Variants in GTF3C3 observed in about 807,000 individuals in gnomAD.
The protein encoded by GTF3C3 is general transcription factor 3C polypeptide 3.
Under a neutral mutation model 105.2 loss-of-function variants are expected in GTF3C3, and 75 were observed. The ratio of observed to expected loss-of-function variants is 0.71; its 90% CI spans 0.59 to 0.86. The LOEUF (loss-of-function observed/expected upper bound fraction) is 0.86. Among genes scored for constraint, GTF3C3 ranks in the 40% least tolerant of loss-of-function variants. GTF3C3 has a pLI of 0.00. For synonymous variants in GTF3C3, 335 were observed against 370.4 expected (o/e 0.90, Z 1.10); for missense variants, 856 against 1,076.5 (o/e 0.80, Z 2.87).
intron 15 of GTF3C3, 100 bp downstream of exon 15, chr2:196,771,648 C>T: frequency 5.6e-6 from 4 of 717,618 alleles, no homozygotes; most frequent in Non-Finnish European, 9.6e-6. Context: ...AATAATTTGT[C>T]ACAGTGAGGC....
chr2:196,782,685 T>C (rs1699386971), intron 8 of GTF3C3, among the ~76,000 whole-genome samples: 1 of 152,030 alleles, frequency 6.6e-6, no homozygotes, highest in South Asian at 2.1e-4. Context: ...AGACCAACTA[T>C]ATTTAAAAAG....
chr2:196,799,443 G>T, intron 1 of GTF3C3, 67 bp downstream of exon 1: 1 of 1,191,746 alleles, frequency 8.4e-7, no homozygotes. Flanking sequence ...CGGTCGTCTG[G>T]GTCCCCCACA....
Position 196,780,565 on chromosome 2 carries a change from T to C in GTF3C3, c.1212A>G (p.Pro404=), listed in dbSNP as rs999616889. The change falls in exon 9 of 18, where the codon CCA becomes CCG. Residue 404 remains proline, a synonymous_variant. Coordinates refer to ENST00000263956, the MANE Select transcript of GTF3C3 (RefSeq NM_012086.5). ...TGCAGATCTTGTTACATACATTAAGTGGTTCAAGAATGTTGAGATGTACAA... is the reference window on the plus strand; with the variant it reads ...TGCAGATCTTGTTACATACATTAAGCGGTTCAAGAATGTTGAGATGTACAA... ...VCLVHLNILE[P]LNPLLTTLVE... 7.4e-6 allele frequency: 12 copies of C among 1,612,652 alleles called. No homozygotes were observed. The highest frequency in any genetic ancestry group is 9.3e-6 in the Non-Finnish European group (11 of 1,179,082).
At chr2:196,767,821 T>C (rs1699094987) in intron 16 of GTF3C3, among the ~76,000 whole-genome samples, 2 of 152,336 alleles carry the variant, frequency 1.3e-5, no homozygotes, top group African/African-American at 4.8e-5. Flanking sequence ...ATTGTTGTAA[T>C]GCAAATGAAC....
At chr2:196,791,288 A>G (rs1185764736) in intron 4 of GTF3C3, 49 bp downstream of exon 4, 1 of 1,596,148 alleles carries the variant, frequency 6.3e-7, no homozygotes, top group African/African-American at 1.3e-5. Context: ...ATTTGTTTTA[A>G]GTCAGACTAT....
Position 196,764,574 on chromosome 2 carries a change from A to G in GTF3C3, c.2650T>C (p.Cys884Arg). Residue 884 changes from cysteine (C) to arginine (R), a missense_variant, in exon 18 of 18, where the codon TGT (cysteine) becomes CGT (arginine). Physicochemically the swap from Cys to Arg is radical, Grantham distance 180. Coordinates refer to ENST00000263956, the MANE Select transcript of GTF3C3 (RefSeq NM_012086.5). ...GMAQTLLYTY[C>R]SI ...TCAGTTGCGGTGCTTTATATAGAAC[A>G]ATAGGTATACAAAAGCGTTTGAGCC... The G allele has an allele frequency of 1.9e-6, 3 of 1,614,004 alleles. No homozygotes were observed. The highest frequency in any genetic ancestry group is 2.5e-6 in the Non-Finnish European group (3 of 1,179,892).
At position 196,789,935 on chromosome 2, in the gene GTF3C3, G is replaced by C; in HGVS notation, c.671C>G (p.Ala224Gly). 2 of 1,612,106 alleles carry C rather than the reference G, an allele frequency of 1.2e-6. No individual in the cohort carries two copies. The highest frequency in any genetic ancestry group is 1.7e-6 in the Non-Finnish European group (2 of 1,179,228). ...PSDTEEWVRLAEMSLEQDNIK... is the reference protein window; with the variant it reads ...PSDTEEWVRLGEMSLEQDNIK... ...ATTGTCTTGTTCCAGAGACATTTCTGCCAGTCTAACCCATTCTTCTGTGTC... is the reference window on the plus strand; with the variant it reads ...ATTGTCTTGTTCCAGAGACATTTCTCCCAGTCTAACCCATTCTTCTGTGTC... Residue 224 changes from alanine (A) to glycine (G), a missense_variant, in exon 5 of 18, where the codon GCA becomes GGA. Physicochemically the swap from Ala to Gly is moderately conservative, Grantham distance 60 (BLOSUM62 0). This residue lies in a region of GTF3C3 where 605 missense variants were observed against 833.6 expected (regional missense o/e 0.73). Transcript: ENST00000263956.
chr2:196,788,548 C>T (rs1699492304), intron 6 of GTF3C3, among the ~76,000 whole-genome samples: 1 of 152,168 alleles, frequency 6.6e-6, no homozygotes, highest in Admixed American at 6.5e-5. Context: ...GATCCCAAAT[C>T]ATTAACATTT....
intron 17 of GTF3C3, among the ~76,000 whole-genome samples, chr2:196,765,350 T>C (rs1400673852): frequency 6.6e-6 from 1 of 152,088 alleles, no homozygotes; most frequent in African/African-American, 2.4e-5. Flanking sequence ...AAATGATACC[T>C]ATAAAGCTCA....
chr2:196,788,812 C>G (rs1699496617), intron 6 of GTF3C3, among the ~76,000 whole-genome samples: 1 of 152,066 alleles, frequency 6.6e-6, no homozygotes, highest in Non-Finnish European at 1.5e-5. Context: ...TATGTGTAAT[C>G]CTAGCATTTT....
intron 8 of GTF3C3, chr2:196,780,872 T>C (rs1352746507): frequency 2.4e-6 from 1 of 410,900 alleles, no homozygotes; most frequent in Non-Finnish European, 4.1e-6. Context: ...CTTATGTACT[T>C]ATCCAAAACT....
At chr2:196,780,839 G>T in intron 8 of GTF3C3, 177 bp from the exon 9 acceptor site, 1 of 645,134 alleles carries the variant, frequency 1.6e-6, no homozygotes. Flanking sequence ...TAGCAAGTAT[G>T]CTTCCTATTC....
chr2:196,794,397 G>T (rs969607987), intron 2 of GTF3C3, among the ~76,000 whole-genome samples: 4 of 152,008 alleles, frequency 2.6e-5, no homozygotes, highest in Admixed American at 2.0e-4. Flanking sequence ...TATATAGAGA[G>T]ATATATTTAT....
intron 1 of GTF3C3, among the ~76,000 whole-genome samples, chr2:196,798,449 G>C (rs1699685590): frequency 6.6e-6 from 1 of 151,998 alleles, no homozygotes; most frequent in South Asian, 2.1e-4. Flanking sequence ...GCTTGAGTCC[G>C]GGAGGCGGAA....
chr2:196,777,459 G>A (rs1287700917), intron 10 of GTF3C3, among the ~76,000 whole-genome samples: 2 of 152,130 alleles, frequency 1.3e-5, no homozygotes, highest in Admixed American at 6.5e-5. Context: ...TCATTTGAAC[G>A]TGAAAACAAG....
In GTF3C3 at chr2:196,776,138, G is replaced by A. The variant is rs978916175; in HGVS notation, c.1594-27C>T. On this transcript the variant is annotated intron_variant, in intron 11 of 17. Transcript: ENST00000263956. The surrounding 1 kb of genome is among the most constrained non-coding windows in gnomAD (Gnocchi z 4.5). ...TAAACAAATAAGCACATGATGATGA[G>A]CCTAACAAGATTCCTTTTCTACAAA... 4 of 1,148,024 alleles carry A rather than the reference G, an allele frequency of 3.5e-6. No individual in the cohort carries two copies. Among genetic ancestry groups the A allele is most frequent in the Admixed American group, 4.5e-5 (2 of 44,044 alleles). The allele number at this position is 1,148,024 out of a possible 1,614,324, so 71.1% of individuals were successfully genotyped here. A position where few individuals can be genotyped will look rare whatever the true frequency, so the allele number is the denominator to read the frequency against.
rs530375871 is a variant in GTF3C3 at position 196,785,911 on chromosome 2, C to T, written c.894-323G>A. On this transcript the variant is annotated intron_variant, in intron 6 of 17. Coordinates refer to ENST00000263956, the MANE Select transcript of GTF3C3 (RefSeq NM_012086.5). ...CCTACCACTTTTTCACTATTGCCTA[C>T]ACCCCGCCTGGGCTCACTTTCTTCC... Among the ~76,000 whole-genome samples the T allele has an allele frequency of 3.3e-5, 5 of 152,270 alleles. No individual in the cohort carries two copies. The East Asian group carries it at 5.8e-4, about 18-fold the overall frequency.
intron 8 of GTF3C3, among the ~76,000 whole-genome samples, chr2:196,781,387 T>TAA (rs1491135257): frequency 8.4e-6 from 1 of 119,500 alleles, no homozygotes; most frequent in African/African-American, 3.2e-5. Context: ...TATATATATA[T>TAA]AAAATTAAAT....
At chr2:196,778,598 T>G in intron 10 of GTF3C3, 1 of 310,282 alleles carries the variant, frequency 3.2e-6, no homozygotes, top group Non-Finnish European at 5.9e-6. Context: ...TTGCCCCAAG[T>G]CTGACAATCC....
Sources: allele counts gnomAD v4.1 joint callset (sites outside exome capture counted in the v4.1 genomes callset), GRCh38; gene constraint gnomAD v4.1.1; regional missense constraint gnomAD v4.1.1; non-coding constraint Gnocchi (gnomAD v3.1); transcripts MANE v1.5; gene names NCBI Gene and HGNC (gene_info 2026-07-23, HGNC 2026-07-21).